L3MBTL4: variants seen among roughly 807,000 people sequenced by gnomAD.
L3MBTL4 encodes the protein L3MBTL histone methyl-lysine binding protein 4.
A neutral mutation model predicts 84.5 loss-of-function variants in L3MBTL4; 70 were observed. The ratio of observed to expected loss-of-function variants is 0.83; its 90% CI spans 0.68 to 1.01. L3MBTL4 has a LOEUF of 1.01. Ranked by LOEUF, L3MBTL4 falls within the 50% of genes least tolerant of loss-of-function variation. L3MBTL4 has a pLI of 0.00. For synonymous variants in L3MBTL4, 274 were observed against 259.8 expected (o/e 1.05, Z -0.52); for missense variants, 715 against 754.8 (o/e 0.95, Z 0.62).
rs1224007903 is a variant in L3MBTL4, at chr18:6,037,867, G to T, written c.1444+43014C>A. ...AATATTAGGGAATATTTAGATGTTT[G>T]GCTAATGTATTAAAGTGCTGGTTGC... is the stretch of plus-strand genomic sequence containing the variant. On this transcript the variant is annotated intron_variant, in intron 16 of 18. Transcript: ENST00000317931. Among the ~76,000 whole-genome samples, 5 of 152,198 alleles carry T rather than the reference G, an allele frequency of 3.3e-5. No homozygotes were observed. In the East Asian group the frequency reaches 9.6e-4, roughly 29 times the overall value.
chr18:6,101,516 A>G (rs759517930), intron 14 of L3MBTL4, among the ~76,000 whole-genome samples: 3 of 152,180 alleles, frequency 2.0e-5, no homozygotes, highest in Non-Finnish European at 4.4e-5. Context: ...AACTTGTTCT[A>G]CTTAACTAAA....
chr18:6,145,517 C>T (rs1166202390), intron 13 of L3MBTL4, among the ~76,000 whole-genome samples: 1 of 151,042 alleles, frequency 6.6e-6, no homozygotes, highest in Admixed American at 6.6e-5. Flanking sequence ...AGGAGCATTC[C>T]TATCTTTATT....
At chr18:6,370,730 T>G (rs1193070287) in intron 1 of L3MBTL4, among the ~76,000 whole-genome samples, 1 of 152,082 alleles carries the variant, frequency 6.6e-6, no homozygotes, top group Non-Finnish European at 1.5e-5. Context: ...GCAGCTGCTC[T>G]GATAAACCCA....
At chr18:6,346,593 G>T (rs1299475039) in intron 1 of L3MBTL4, among the ~76,000 whole-genome samples, 1 of 151,910 alleles carries the variant, frequency 6.6e-6, no homozygotes, top group Non-Finnish European at 1.5e-5. Flanking sequence ...ATAGAAAAAG[G>T]TGCTCAGCAT....
intron 1 of L3MBTL4, among the ~76,000 whole-genome samples, chr18:6,333,303 G>C (rs2052140188): frequency 6.6e-6 from 1 of 152,142 alleles, no homozygotes; most frequent in African/African-American, 2.4e-5. Flanking sequence ...GGCCAGGCGT[G>C]GTGGCTCATG....
chr18:6,089,953 G>T (rs2058386067), intron 15 of L3MBTL4, among the ~76,000 whole-genome samples: 1 of 152,130 alleles, frequency 6.6e-6, no homozygotes, highest in Non-Finnish European at 1.5e-5. Flanking sequence ...AATAATGTCT[G>T]CTTTGCCTAA....
chr18:6,382,515 G>C (rs142254159), intron 1 of L3MBTL4, among the ~76,000 whole-genome samples: 20 of 152,200 alleles, frequency 1.3e-4, no homozygotes, highest in African/African-American at 4.8e-4. Flanking sequence ...TGGGGTCTCT[G>C]AGTGGACGTG....
At chr18:6,387,002 G>C (rs2054850059) in intron 1 of L3MBTL4, among the ~76,000 whole-genome samples, 1 of 152,290 alleles carries the variant, frequency 6.6e-6, no homozygotes, top group African/African-American at 2.4e-5. Context: ...GTAGATGGCA[G>C]CATTAGAGTG....
At chr18:6,221,914 A>T (rs966373725) in intron 10 of L3MBTL4, among the ~76,000 whole-genome samples, 1 of 152,192 alleles carries the variant, frequency 6.6e-6, no homozygotes, top group Non-Finnish European at 1.5e-5. Flanking sequence ...GGTTCTGCAC[A>T]TACAGAAGGG....
intron 16 of L3MBTL4, among the ~76,000 whole-genome samples, chr18:5,995,826 G>A (rs2053936992): frequency 6.6e-6 from 1 of 152,146 alleles, no homozygotes; most frequent in Non-Finnish European, 1.5e-5. Context: ...CCACCCTACA[G>A]GGCATGGCTG....
intron 12 of L3MBTL4, among the ~76,000 whole-genome samples, chr18:6,182,162 T>C (rs2044503321): frequency 6.6e-6 from 1 of 152,216 alleles, no homozygotes; most frequent in Non-Finnish European, 1.5e-5. Context: ...CCAGTATCTG[T>C]TATTTTTTGA....
intron 5 of L3MBTL4, among the ~76,000 whole-genome samples, chr18:6,247,183 T>C (rs1326998420): frequency 6.6e-6 from 1 of 152,150 alleles, no homozygotes; most frequent in East Asian, 1.9e-4. Flanking sequence ...AATAGAACAT[T>C]CTCTTGCAAA....
intron 1 of L3MBTL4, among the ~76,000 whole-genome samples, chr18:6,366,329 G>A (rs1356089309): frequency 6.6e-6 from 1 of 152,134 alleles, no homozygotes; most frequent in East Asian, 1.9e-4. Context: ...TAGCCATACA[G>A]AAAATACAGA....
intron 14 of L3MBTL4, among the ~76,000 whole-genome samples, chr18:6,133,379 A>G (rs968352256): frequency 4.0e-5 from 6 of 151,088 alleles, no homozygotes; most frequent in Non-Finnish European, 7.4e-5. Flanking sequence ...CACAAACAGA[A>G]GGCCTGAGGA....
intron 13 of L3MBTL4, among the ~76,000 whole-genome samples, chr18:6,166,731 G>A (rs532903709): frequency 6.6e-6 from 1 of 152,042 alleles, no homozygotes; most frequent in Non-Finnish European, 1.5e-5. Context: ...AAGCAGGAAA[G>A]ATCAAAAATT....
At chr18:6,053,807 G>C (rs1171354801) in intron 16 of L3MBTL4, among the ~76,000 whole-genome samples, 1 of 152,104 alleles carries the variant, frequency 6.6e-6, no homozygotes, top group Non-Finnish European at 1.5e-5. Context: ...AAGTTGATGG[G>C]AAGTTCACAG....
intron 14 of L3MBTL4, among the ~76,000 whole-genome samples, chr18:6,132,313 T>C (rs1041563830): frequency 6.6e-6 from 1 of 152,190 alleles, no homozygotes; most frequent in East Asian, 1.9e-4. Flanking sequence ...CCATTCTAGA[T>C]AGATGCTAGC....
chr18:6,049,404 A>G (rs540768813), intron 16 of L3MBTL4, among the ~76,000 whole-genome samples: 1 of 152,348 alleles, frequency 6.6e-6, no homozygotes, highest in Admixed American at 6.5e-5. Context: ...ACAAGCAAAA[A>G]TCAAATAACC....
intron 1 of L3MBTL4, among the ~76,000 whole-genome samples, chr18:6,331,383 C>T (rs2052024446): frequency 6.6e-6 from 1 of 152,096 alleles, no homozygotes; most frequent in South Asian, 2.1e-4. Flanking sequence ...GTCCAATTCC[C>T]CCTACCCAGC....
Sources: gnomAD v4.1 joint callset for allele counts (sites outside exome capture counted in the v4.1 genomes callset) on GRCh38, gnomAD v4.1.1 for gene constraint, MANE v1.5 for transcripts, NCBI Gene and HGNC (gene_info 2026-07-23, HGNC 2026-07-21) for gene names.